SGCD: variants seen among roughly 807,000 people sequenced by gnomAD.
SGCD encodes delta-sarcoglycan.
A neutral mutation model predicts 36.6 loss-of-function variants in SGCD; 18 were observed. The observed-to-expected ratio is 0.49, with a 90% CI of 0.34 to 0.73. The LOEUF (loss-of-function observed/expected upper bound fraction) is 0.73. Among genes scored for constraint, SGCD ranks in the 30% least tolerant of loss-of-function variants. The probability of loss-of-function intolerance (pLI) is 0.01; values close to 1 mark genes in which losing one functional copy is unlikely to be tolerated. For missense variants in SGCD, 387 were observed against 346.7 expected, an observed-to-expected ratio of 1.12 and a Z score of -0.92; for synonymous variants, 133 against 130.6, an observed-to-expected ratio of 1.02 and a Z score of -0.12.
At chr5:156,237,239 G>A (rs2127654261) in intron 3 of SGCD, among the ~76,000 whole-genome samples, 1 of 152,320 alleles carries the variant, frequency 6.6e-6, no homozygotes, top group East Asian at 1.9e-4. Flanking sequence ...GACTGGAAAA[G>A]TCAACCAAAA....
intron 7 of SGCD, among the ~76,000 whole-genome samples, chr5:156,740,913 T>G (rs1756638367): frequency 6.6e-6 from 1 of 152,154 alleles, no homozygotes; most frequent in South Asian, 2.1e-4. Context: ...TACACCAACT[T>G]TATACCTTCC....
At chr5:155,888,319 A>C (rs767759363) in intron 1 of SGCD, among the ~76,000 whole-genome samples, 1 of 152,166 alleles carries the variant, frequency 6.6e-6, no homozygotes, top group Non-Finnish European at 1.5e-5. Context: ...TTGGTCCTTC[A>C]TGGCCGTCTT....
intron 6 of SGCD, among the ~76,000 whole-genome samples, chr5:156,599,259 A>T (rs1413840193): frequency 6.6e-6 from 1 of 152,174 alleles, no homozygotes; most frequent in Non-Finnish European, 1.5e-5. Flanking sequence ...ATCTGGTTGC[A>T]CATTTCATGG....
intron 3 of SGCD, among the ~76,000 whole-genome samples, chr5:156,502,598 G>A (rs942932808): frequency 3.9e-5 from 6 of 152,142 alleles, no homozygotes; most frequent in Non-Finnish European, 7.3e-5. Context: ...GCCTCTCAAA[G>A]TGCTGTAATT....
chr5:155,906,083 C>T (rs1028999179), intron 1 of SGCD, among the ~76,000 whole-genome samples: 8 of 152,148 alleles, frequency 5.3e-5, no homozygotes, highest in Admixed American at 1.3e-4. Context: ...CACTATCCTT[C>T]AAACTTTTTC....
chr5:155,975,819 G>A (rs377369308), intron 1 of SGCD, among the ~76,000 whole-genome samples: 2 of 150,852 alleles, frequency 1.3e-5, no homozygotes, highest in African/African-American at 2.4e-5. Flanking sequence ...TAGTAGAGAC[G>A]GGGTTTTGCC....
intron 3 of SGCD, among the ~76,000 whole-genome samples, chr5:156,153,535 A>C (rs1762876598): frequency 6.6e-6 from 1 of 151,692 alleles, no homozygotes. Flanking sequence ...TTTCATGGGA[A>C]CTTTACATTG....
intron 1 of SGCD, among the ~76,000 whole-genome samples, chr5:156,083,245 C>T (rs1252247413): frequency 6.6e-6 from 1 of 151,700 alleles, no homozygotes; most frequent in Non-Finnish European, 1.5e-5. Flanking sequence ...CTTGGAATTT[C>T]ACAGAGCTGA....
chr5:156,021,801 G>T (rs1759106092), intron 1 of SGCD, among the ~76,000 whole-genome samples: 1 of 152,144 alleles, frequency 6.6e-6, no homozygotes, highest in Non-Finnish European at 1.5e-5. Flanking sequence ...GAAGCAGAAA[G>T]CATGAGAAGA....
chr5:156,273,282 G>C (rs1482403734), intron 3 of SGCD, among the ~76,000 whole-genome samples: 1 of 152,154 alleles, frequency 6.6e-6, no homozygotes, highest in Admixed American at 6.6e-5. Context: ...TGTGCTTGTA[G>C]TGTTTATTTA....
At chr5:156,690,964 T>C (rs559256885) in intron 7 of SGCD, among the ~76,000 whole-genome samples, 34 of 152,186 alleles carry the variant, frequency 2.2e-4, no homozygotes, top group Non-Finnish European at 4.4e-4. Flanking sequence ...CCCAGCACTA[T>C]GGGAGTCCAA....
At chr5:156,468,524 G>A (rs1011357794) in intron 3 of SGCD, among the ~76,000 whole-genome samples, 1 of 152,080 alleles carries the variant, frequency 6.6e-6, no homozygotes. Context: ...CAACAGAGAA[G>A]GGACAACCTA....
At chr5:156,389,870 T>A (rs1771472540) in intron 3 of SGCD, among the ~76,000 whole-genome samples, 1 of 151,424 alleles carries the variant, frequency 6.6e-6, no homozygotes, top group Non-Finnish European at 1.5e-5. Context: ...GCTTGTTGTA[T>A]GACTAAATAA....
At chr5:155,921,721 A>T (rs1429130320) in intron 1 of SGCD, among the ~76,000 whole-genome samples, 1 of 152,198 alleles carries the variant, frequency 6.6e-6, no homozygotes, top group Non-Finnish European at 1.5e-5. Flanking sequence ...TATAATAAAC[A>T]TTGGTCAGCA....
intron 3 of SGCD, among the ~76,000 whole-genome samples, chr5:156,220,991 C>T (rs1581176549): frequency 1.3e-5 from 2 of 152,212 alleles, no homozygotes; most frequent in South Asian, 4.1e-4. Flanking sequence ...TTTAGTTATT[C>T]TCTTGTCAGG....
chr5:155,935,696 AGG>A (rs1757179254), intron 1 of SGCD, among the ~76,000 whole-genome samples: 1 of 152,200 alleles, frequency 6.6e-6, no homozygotes, highest in Non-Finnish European at 1.5e-5. Context: ...CACTTGCCTA[AGG>A]TTGTTACAGG....
At chr5:156,236,182 T>G (rs1399627027) in intron 3 of SGCD, among the ~76,000 whole-genome samples, 1 of 152,164 alleles carries the variant, frequency 6.6e-6, no homozygotes, top group Non-Finnish European at 1.5e-5. Context: ...ATGTTACGGT[T>G]AAATCATTTT....
chr5:155,932,414 A>G (rs757156825), intron 1 of SGCD, among the ~76,000 whole-genome samples: 2 of 152,164 alleles, frequency 1.3e-5, no homozygotes, highest in Non-Finnish European at 2.9e-5. Context: ...TTGTCATCCA[A>G]AGGTATTCTC....
rs1561593246 is a variant in SGCD at position 156,269,501 on chromosome 5, A to AC, written c.-43-60033_-43-60032insC. On this transcript the variant is annotated intron_variant, in intron 3 of 9. Coordinates refer to the SGCD transcript ENST00000517913. ...AAAAAAAAAAAAAAAAAAAAAAAAA[A>AC]AAAAAAAAACCATCAGATCTCATGA... 4.4e-3 allele frequency among the ~76,000 whole-genome samples: 608 copies of AC among 137,644 alleles called. 64 individuals carry two copies. Among genetic ancestry groups the AC allele is most frequent in the African/African-American group, 0.017 (585 of 34,104 alleles). 90.3% of individuals were successfully genotyped at this position (137,644 alleles called of 152,430 possible). A position where few individuals can be genotyped will look rare whatever the true frequency, so the allele number is the denominator to read the frequency against.
Sources: allele counts gnomAD v4.1 joint callset (sites outside exome capture counted in the v4.1 genomes callset), GRCh38; gene constraint gnomAD v4.1.1; transcripts MANE v1.5; gene names NCBI Gene and HGNC (gene_info 2026-07-23, HGNC 2026-07-21).